RELL1: variants seen among roughly 807,000 people sequenced by gnomAD.
The protein encoded by RELL1 is RELT like 1.
A neutral mutation model predicts 23.0 loss-of-function variants in RELL1; 10 were observed. That is an observed-to-expected ratio of 0.43 (90% CI 0.27 to 0.74). The LOEUF is 0.74. RELL1 is among the 30% of genes least tolerant of loss of function. RELL1 has a pLI of 0.19. For missense variants in RELL1, 315 were observed against 364.4 expected (o/e 0.86, Z 1.10); for synonymous variants, 146 against 146.8 (o/e 0.99, Z 0.04).
chr4:37,681,157 A>G (rs1216625417), intron 1 of RELL1, among the ~76,000 whole-genome samples: 1 of 152,164 alleles, frequency 6.6e-6, no homozygotes, highest in Non-Finnish European at 1.5e-5. Flanking sequence ...AACAGTAGCA[A>G]ACTCTAATCT....
chr4:37,590,651 T>C (rs563108544), downstream of RELL1: 12 of 1,614,112 alleles, frequency 7.4e-6, no homozygotes, highest in South Asian at 1.2e-4. Context: ...GGAGACAACG[T>C]TGATCATAAT....
chr4:37,593,101 T>G (rs1400518520), intron 6 of RELL1, among the ~76,000 whole-genome samples: 1 of 152,246 alleles, frequency 6.6e-6, no homozygotes, highest in Admixed American at 6.5e-5. Context: ...AGATAAAGTC[T>G]TGGCATTGTT....
intron 6 of RELL1, among the ~76,000 whole-genome samples, chr4:37,621,300 C>A (rs1254220603): frequency 6.6e-6 from 1 of 151,744 alleles, no homozygotes; most frequent in African/African-American, 2.4e-5. Context: ...ACTAAAAATA[C>A]AAAAAATCAG....
At chr4:37,629,324 A>G (rs1720049365) in intron 6 of RELL1, among the ~76,000 whole-genome samples, 1 of 152,206 alleles carries the variant, frequency 6.6e-6, no homozygotes, top group Non-Finnish European at 1.5e-5. Context: ...TCCTCTTTCC[A>G]GCTATATGAC....
intron 3 of RELL1, 57 bp downstream of exon 3, chr4:37,647,311 G>T: frequency 8.1e-7 from 1 of 1,235,054 alleles, no homozygotes; most frequent in Non-Finnish European, 1.2e-6. Flanking sequence ...CTTCGAAGCA[G>T]GTTTTTAATA....
chr4:37,668,572 C>G (rs1450354224), intron 1 of RELL1, among the ~76,000 whole-genome samples: 7 of 152,082 alleles, frequency 4.6e-5, no homozygotes, highest in Non-Finnish European at 8.8e-5. Context: ...GCTACAACAT[C>G]CACCTCCCAG....
At chr4:37,620,561 T>G (rs748891810) in intron 6 of RELL1, among the ~76,000 whole-genome samples, 1 of 152,248 alleles carries the variant, frequency 6.6e-6, no homozygotes, top group African/African-American at 2.4e-5. Context: ...TCTGATTTAA[T>G]GTCTACACTA....
chr4:37,684,736 TGA>T (rs1722340570), intron 1 of RELL1, among the ~76,000 whole-genome samples: 1 of 152,168 alleles, frequency 6.6e-6, no homozygotes, highest in African/African-American at 2.4e-5. Context: ...GAGGATCACT[TGA>T]GGTCGGGAGT....
intron 3 of RELL1, among the ~76,000 whole-genome samples, chr4:37,643,257 G>C (rs961808926): frequency 6.6e-6 from 1 of 151,714 alleles, no homozygotes; most frequent in African/African-American, 2.4e-5. Flanking sequence ...TGTGAGGATG[G>C]AGACAACCAA....
At chr4:37,644,740 A>G (rs970523021) in intron 3 of RELL1, among the ~76,000 whole-genome samples, 4 of 152,104 alleles carry the variant, frequency 2.6e-5, no homozygotes, top group African/African-American at 9.7e-5. Context: ...GATTACAGGC[A>G]TGAGCCAGCA....
intron 6 of RELL1, among the ~76,000 whole-genome samples, chr4:37,614,383 A>C (rs1719505001): frequency 6.6e-6 from 1 of 152,198 alleles, no homozygotes; most frequent in African/African-American, 2.4e-5. Context: ...AGACAGAAAG[A>C]AAGAGATTTA....
intron 4 of RELL1, among the ~76,000 whole-genome samples, chr4:37,636,083 TCTTC>T (rs1489705761): frequency 6.6e-6 from 1 of 152,226 alleles, no homozygotes; most frequent in African/African-American, 2.4e-5. Context: ...ATTATTAATT[TCTTC>T]CTTTTAACAA....
intron 1 of RELL1, among the ~76,000 whole-genome samples, chr4:37,667,735 CT>C (rs33933668): frequency 0.19 from 29,262 of 150,804 alleles, 2,978 homozygotes; most frequent in African/African-American, 0.22. Flanking sequence ...GTCAATTTAT[CT>C]TTTTTTTTAA....
chr4:37,641,457 G>T (rs114260201), intron 3 of RELL1, among the ~76,000 whole-genome samples: 2,310 of 152,258 alleles, frequency 0.015, 27 homozygotes, highest in Non-Finnish European at 0.023. Context: ...GAGCAATACT[G>T]TGAGTTCTGT....
At position 37,638,459 on chromosome 4, in the gene RELL1, T is replaced by C. The variant is rs1324546964; in HGVS notation, c.431A>G (p.Tyr144Cys). The stretch of plus-strand genomic sequence containing the variant: ...GAGGAGCACTCACCTTTCAGGATCA[T>C]ACAGGCTGTTATCTGCTACCATCGC... ...LKAMVADNSL[Y>C]DPESPVTPST... is the part of the protein sequence containing the mutation. The change falls in exon 4 of 7, where the codon TAT becomes TGT. Residue 144 changes from tyrosine (Y) to cysteine (C), a missense_variant. By Grantham distance (194) the Tyr-to-Cys change is radical. Coordinates refer to ENST00000454158, the MANE Select transcript of RELL1 (RefSeq NM_001085400.2). The C allele has an allele frequency of 6.2e-7, 1 of 1,612,800 alleles. No homozygotes were observed. Among genetic ancestry groups the C allele is most frequent in the East Asian group, 2.2e-5 (1 of 44,864 alleles).
intron 1 of RELL1, among the ~76,000 whole-genome samples, chr4:37,659,849 T>G (rs1031027639): frequency 6.6e-6 from 1 of 151,908 alleles, no homozygotes; most frequent in East Asian, 1.9e-4. Flanking sequence ...AAGGCAGCCG[T>G]CCTAATCTCT....
At chr4:37,595,176 A>C (rs1480006230) in intron 6 of RELL1, among the ~76,000 whole-genome samples, 3 of 152,234 alleles carry the variant, frequency 2.0e-5, no homozygotes, top group African/African-American at 7.2e-5. Context: ...CTGTTAACTA[A>C]TAGAACAATA....
intron 6 of RELL1, among the ~76,000 whole-genome samples, chr4:37,618,930 A>G (rs1188636691): frequency 6.6e-6 from 1 of 151,854 alleles, no homozygotes; most frequent in Non-Finnish European, 1.5e-5. Flanking sequence ...CCCAGGCTGG[A>G]GTGCAATGGT....
intron 1 of RELL1, among the ~76,000 whole-genome samples, chr4:37,660,812 A>G (rs1440645774): frequency 6.6e-6 from 1 of 152,150 alleles, no homozygotes; most frequent in Non-Finnish European, 1.5e-5. Context: ...CGGGCAGATC[A>G]CAAGGTCAGG....
Sources: allele counts gnomAD v4.1 joint callset (sites outside exome capture counted in the v4.1 genomes callset), GRCh38; gene constraint gnomAD v4.1.1; transcripts MANE v1.5; gene names NCBI Gene and HGNC (gene_info 2026-07-23, HGNC 2026-07-21).